RELN: variants seen among roughly 807,000 people sequenced by gnomAD.
RELN encodes the protein reelin.
In RELN, 108 loss-of-function variants were observed where a neutral mutation model predicts 427.6. That is an observed-to-expected ratio of 0.25 (90% CI 0.22 to 0.30). The LOEUF (loss-of-function observed/expected upper bound fraction) is 0.30. RELN is among the 10% of genes least tolerant of loss of function. The pLI is 1.00. For missense variants in RELN, 3,715 were observed against 4,302.8 expected (o/e 0.86, Z 3.82); for synonymous variants, 1,524 against 1,513.4 (o/e 1.01, Z -0.16).
intron 51 of RELN, among the ~76,000 whole-genome samples, chr7:103,504,135 C>A (rs1460142546): frequency 6.6e-6 from 1 of 152,030 alleles, no homozygotes; most frequent in African/African-American, 2.4e-5. Context: ...ACCCGGGAGG[C>A]AGAGGTTGCA....
At chr7:103,742,601 G>A (rs534127378) in intron 6 of RELN, among the ~76,000 whole-genome samples, 1 of 152,282 alleles carries the variant, frequency 6.6e-6, no homozygotes, top group Admixed American at 6.5e-5. Flanking sequence ...ACCAAGGCAC[G>A]AGAGCTACAT....
intron 1 of RELN, among the ~76,000 whole-genome samples, chr7:103,979,197 A>G (rs749261490): frequency 5.3e-5 from 8 of 152,174 alleles, no homozygotes; most frequent in Non-Finnish European, 1.2e-4. Flanking sequence ...CCTTTTATTT[A>G]ACTTTTACCA....
At chr7:103,814,666 T>C (rs1407950508) in intron 3 of RELN, among the ~76,000 whole-genome samples, 1 of 152,074 alleles carries the variant, frequency 6.6e-6, no homozygotes. Context: ...CAATGCCCTC[T>C]GAGGGCCCAG....
chr7:103,732,988 C>T (rs1401132636), intron 6 of RELN, among the ~76,000 whole-genome samples: 2 of 152,026 alleles, frequency 1.3e-5, no homozygotes, highest in Non-Finnish European at 2.9e-5. Context: ...GAAGTCCTTG[C>T]CCATGCCTAT....
At chr7:103,761,572 C>G (rs1791299370) in intron 4 of RELN, among the ~76,000 whole-genome samples, 1 of 152,098 alleles carries the variant, frequency 6.6e-6, no homozygotes, top group South Asian at 2.1e-4. Flanking sequence ...CCTGCCTCAG[C>G]CTCCCAAGAA....
At chr7:103,897,535 T>A (rs1794988349) in intron 2 of RELN, among the ~76,000 whole-genome samples, 2 of 152,086 alleles carry the variant, frequency 1.3e-5, no homozygotes, top group South Asian at 4.1e-4. Flanking sequence ...TTAGTTAAAC[T>A]GATGAAAAAT....
intron 8 of RELN, among the ~76,000 whole-genome samples, chr7:103,702,351 G>A (rs919822120): frequency 2.6e-5 from 4 of 152,142 alleles, no homozygotes; most frequent in Non-Finnish European, 4.4e-5. Flanking sequence ...AATGTTACTC[G>A]TGTGCTTCCT....
intron 2 of RELN, among the ~76,000 whole-genome samples, chr7:103,911,389 CTT>C (rs1472190173): frequency 2.1e-5 from 3 of 145,118 alleles, no homozygotes; most frequent in African/African-American, 7.8e-5. Flanking sequence ...AATAGGAACA[CTT>C]TTACACTGTT....
At position 103,570,257 on chromosome 7, in the gene RELN, T is replaced by A. The variant is rs541371193; in HGVS notation, c.4588+1927A>T. 3.9e-4 allele frequency among the ~76,000 whole-genome samples: 60 copies of A among 152,336 alleles called. No homozygotes were observed. The South Asian group carries it at 0.012, about 31-fold the overall frequency. On this transcript the variant is annotated intron_variant, in intron 31 of 64. Coordinates refer to ENST00000428762, the MANE Select transcript of RELN (RefSeq NM_005045.4). ...AGAGCAAAGACTCCTGTCTATTGTATGATAAGCAGATGCTTTCTTTTCTAC... is the reference window on the plus strand; with the variant it reads ...AGAGCAAAGACTCCTGTCTATTGTAAGATAAGCAGATGCTTTCTTTTCTAC...
At chr7:103,986,485 T>C (rs1209110473) in intron 1 of RELN, among the ~76,000 whole-genome samples, 2 of 152,116 alleles carry the variant, frequency 1.3e-5, no homozygotes, top group Non-Finnish European at 2.9e-5. Context: ...CCACTTTTAT[T>C]CTAGACTGGC....
intron 27 of RELN, among the ~76,000 whole-genome samples, chr7:103,590,518 C>A (rs1486723980): frequency 6.6e-6 from 1 of 151,776 alleles, no homozygotes; most frequent in East Asian, 1.9e-4. Context: ...TGAGATCACG[C>A]CATTGCACTC....
chr7:103,927,202 A>G (rs970642149), intron 1 of RELN, among the ~76,000 whole-genome samples: 1 of 152,190 alleles, frequency 6.6e-6, no homozygotes, highest in Admixed American at 6.5e-5. Flanking sequence ...TGTTCCGCTT[A>G]TTCATTTATT....
intron 3 of RELN, among the ~76,000 whole-genome samples, chr7:103,816,759 C>T (rs1379238518): frequency 6.6e-6 from 1 of 152,108 alleles, no homozygotes; most frequent in Non-Finnish European, 1.5e-5. Flanking sequence ...AAGATACACC[C>T]CATAATTGCT....
At chr7:103,518,532 T>C (rs1189274037) in intron 49 of RELN, among the ~76,000 whole-genome samples, 2 of 148,648 alleles carry the variant, frequency 1.3e-5, no homozygotes, top group East Asian at 3.9e-4. Flanking sequence ...TAAAATGTCT[T>C]GCTTTGCTGC....
intron 37 of RELN, 125 bp downstream of exon 37, chr7:103,557,840 A>G (rs1830558692): frequency 4.7e-6 from 3 of 639,084 alleles, no homozygotes; most frequent in African/African-American, 1.8e-5. Flanking sequence ...ACATTTATGT[A>G]TACTAATTTA....
At position 103,489,633 on chromosome 7, in the gene RELN, C is replaced by A. The variant is rs142926716; in HGVS notation, c.9763+109G>T. 3,014 of 1,253,250 alleles carry A rather than the reference C, an allele frequency of 2.4e-3. 106 individuals carry two copies. The Admixed American group carries it at 0.054, about 23-fold the overall frequency. 77.6% of individuals were successfully genotyped at this position (1,253,250 alleles called of 1,614,324 possible). On this transcript the variant is annotated intron_variant, in intron 60 of 64. Coordinates refer to ENST00000428762, the MANE Select transcript of RELN (RefSeq NM_005045.4). ...AAGGAGTGTGTCATGAATCTCAGATCCCTCAGGCTGGAGTTTCTATCCATT... is the reference window on the plus strand; with the variant it reads ...AAGGAGTGTGTCATGAATCTCAGATACCTCAGGCTGGAGTTTCTATCCATT...
chr7:103,876,119 CTT>C (rs1794472276), intron 2 of RELN, among the ~76,000 whole-genome samples: 1 of 152,124 alleles, frequency 6.6e-6, no homozygotes, highest in Non-Finnish European at 1.5e-5. Flanking sequence ...TAGTTTCTGT[CTT>C]TCACTTTCTC....
rs1375370846 is a variant in RELN, at chr7:103,624,198, C to CA, written c.2702+5741dup. On this transcript the variant is annotated intron_variant, in intron 20 of 64. Transcript: ENST00000428762. Reference sequence around the variant, plus strand: ...TTCTTGTTCATGCTCATAAATACCCCATGAAATATGAACATATACTTTTAA... The same window carrying CA: ...TTCTTGTTCATGCTCATAAATACCCCAATGAAATATGAACATATACTTTTAA... Among the ~76,000 whole-genome samples, 42 of 152,230 alleles carry CA rather than the reference C, an allele frequency of 2.8e-4. 1 individual carries two copies. The highest frequency in any genetic ancestry group is 1.9e-3 in the Admixed American group (29 of 15,280).
Position 103,858,281 on chromosome 7 carries a change from T to C in RELN, c.338-24609A>G, listed in dbSNP as rs187271508. 5.7e-4 allele frequency among the ~76,000 whole-genome samples: 87 copies of C among 152,250 alleles called. 2 individuals are homozygous for C. Among genetic ancestry groups the C allele is most frequent in the Admixed American group, 5.2e-3 (80 of 15,280 alleles). ...AAAATGGGATTATAACAATACCTGG[T>C]TTTTAGAATCACTGGGAGGGTTAAA... is the stretch of plus-strand genomic sequence containing the variant. On this transcript the variant is annotated intron_variant, in intron 2 of 64. Coordinates refer to ENST00000428762, the MANE Select transcript of RELN (RefSeq NM_005045.4).
Sources: allele counts gnomAD v4.1 joint callset (sites outside exome capture counted in the v4.1 genomes callset), GRCh38; gene constraint gnomAD v4.1.1; transcripts MANE v1.5; gene names NCBI Gene and HGNC (gene_info 2026-07-23, HGNC 2026-07-21).